The following SHISA6 variants were observed in gnomAD, a reference collection of about 807,000 sequenced individuals.
SHISA6 encodes protein shisa-6.
A neutral mutation model predicts 47.9 loss-of-function variants in SHISA6; 22 were observed. That is an observed-to-expected ratio of 0.46 (90% confidence interval 0.33 to 0.66). The LOEUF (loss-of-function observed/expected upper bound fraction) is 0.66, where lower values mean the gene tolerates loss of function less well. SHISA6 is among the 30% of genes least tolerant of loss of function. The pLI is 0.02. For missense variants in SHISA6, 680 were observed against 764.6 expected (o/e 0.89, Z 1.30); for synonymous variants, 388 against 337.8 (o/e 1.15, Z -1.63).
chr17:11,409,722 AG>A (rs1259697531), intron 3 of SHISA6, among the ~76,000 whole-genome samples: 15 of 147,848 alleles, frequency 1.0e-4, no homozygotes, highest in Non-Finnish European at 1.3e-4. Flanking sequence ...AAAAAAAAAA[AG>A]GAAAAGAAAA....
At chr17:11,538,551 G>A (rs2071806822) in intron 3 of SHISA6, among the ~76,000 whole-genome samples, 1 of 152,202 alleles carries the variant, frequency 6.6e-6, no homozygotes, top group African/African-American at 2.4e-5. Flanking sequence ...CTATAGGGCA[G>A]CCTTGAAAAT....
intron 1 of SHISA6, among the ~76,000 whole-genome samples, chr17:11,252,510 A>C (rs572628383): frequency 1.1e-3 from 163 of 152,244 alleles, no homozygotes; most frequent in Non-Finnish European, 1.5e-3. Flanking sequence ...GGTGGCTGTT[A>C]ATTTGAAGTG....
intron 3 of SHISA6, among the ~76,000 whole-genome samples, chr17:11,470,236 G>A (rs945287648): frequency 4.6e-5 from 7 of 152,200 alleles, no homozygotes; most frequent in Non-Finnish European, 1.5e-5. Flanking sequence ...TCCCAGGTCT[G>A]TCAAGGTTCC....
intron 3 of SHISA6, among the ~76,000 whole-genome samples, chr17:11,467,852 C>A (rs530083111): frequency 6.6e-6 from 1 of 152,268 alleles, no homozygotes; most frequent in South Asian, 2.1e-4. Flanking sequence ...ACCAAGTACC[C>A]ACTTCTCCCT....
At position 11,241,276 on chromosome 17, in the gene SHISA6, GC is replaced by G. The variant is rs1038242316; in HGVS notation, c.-144del. ...ACCGCGCGCCGCCGCCGCCACTGCC[GC>G]CCGCGCCTCGATGGCGCCATCGCCC... On this transcript the variant is annotated 5_prime_UTR_variant, in exon 1 of 6. Coordinates refer to ENST00000441885, the MANE Select transcript of SHISA6 (RefSeq NM_207386.4). This position sits in a 1 kb window ranked among gnomAD's most constrained non-coding sequence, Gnocchi z 5.5. The G allele has an allele frequency of 3.0e-6, 1 of 337,056 alleles. No individual in the cohort carries two copies. Among genetic ancestry groups the G allele is most frequent in the Non-Finnish European group, 4.2e-6 (1 of 239,794 alleles). 20.9% of individuals were successfully genotyped at this position (337,056 alleles called of 1,614,324 possible).
chr17:11,383,707 T>G (rs1429648752), intron 3 of SHISA6, among the ~76,000 whole-genome samples: 1 of 152,170 alleles, frequency 6.6e-6, no homozygotes, highest in Non-Finnish European at 1.5e-5. Flanking sequence ...CCTCTTACTA[T>G]CTCCTTCTAA....
intron 3 of SHISA6, among the ~76,000 whole-genome samples, chr17:11,391,741 G>A (rs1231151996): frequency 6.6e-6 from 1 of 152,120 alleles, no homozygotes; most frequent in Non-Finnish European, 1.5e-5. Flanking sequence ...GTAAATCAGA[G>A]CATTGAAGAT....
intron 3 of SHISA6, among the ~76,000 whole-genome samples, chr17:11,449,447 A>T (rs12937771): frequency 0.16 from 24,039 of 151,362 alleles, 2,396 homozygotes; most frequent in Non-Finnish European, 0.22. Flanking sequence ...CATCTCTATT[A>T]AAAAAAAAGA....
chr17:11,363,525 G>C (rs960586213), intron 2 of SHISA6, among the ~76,000 whole-genome samples: 13 of 152,104 alleles, frequency 8.5e-5, no homozygotes, highest in Non-Finnish European at 1.6e-4. Context: ...GGCGGTCTCT[G>C]GATTATAAAC....
At chr17:11,525,703 T>A (rs2071673360) in intron 3 of SHISA6, among the ~76,000 whole-genome samples, 1 of 147,390 alleles carries the variant, frequency 6.8e-6, no homozygotes, top group Non-Finnish European at 1.5e-5. Flanking sequence ...AATGATAAAT[T>A]TTAAGGGTTG....
chr17:11,355,510 T>G (rs530553602), intron 2 of SHISA6, among the ~76,000 whole-genome samples: 2 of 152,250 alleles, frequency 1.3e-5, no homozygotes, highest in African/African-American at 4.8e-5. Flanking sequence ...TGGGAAGCCA[T>G]TACCACCCCC....
At chr17:11,410,074 T>G (rs1298182308) in intron 3 of SHISA6, among the ~76,000 whole-genome samples, 1 of 152,212 alleles carries the variant, frequency 6.6e-6, no homozygotes, top group Non-Finnish European at 1.5e-5. Flanking sequence ...AGCCACAAGT[T>G]GTGAGTCCAG....
At chr17:11,410,006 C>T (rs1914072083) in intron 3 of SHISA6, among the ~76,000 whole-genome samples, 1 of 152,188 alleles carries the variant, frequency 6.6e-6, no homozygotes, top group African/African-American at 2.4e-5. Flanking sequence ...CATAGGCTCA[C>T]AGAATTATTT....
At chr17:11,294,669 G>A (rs1909680779) in intron 2 of SHISA6, among the ~76,000 whole-genome samples, 1 of 151,974 alleles carries the variant, frequency 6.6e-6, no homozygotes, top group South Asian at 2.1e-4. Context: ...CTATCTGAGG[G>A]GCTATGTACG....
At chr17:11,546,573 G>A (rs2071885332) in intron 3 of SHISA6, among the ~76,000 whole-genome samples, 1 of 152,182 alleles carries the variant, frequency 6.6e-6, no homozygotes, top group African/African-American at 2.4e-5. Context: ...AAGCTGGGAT[G>A]GCAATATAAA....
At chr17:11,314,585 G>A (rs180718318) in intron 2 of SHISA6, among the ~76,000 whole-genome samples, 3 of 148,206 alleles carry the variant, frequency 2.0e-5, no homozygotes, top group South Asian at 2.2e-4. Context: ...CCCCAGGCTC[G>A]AGTACAATGG....
chr17:11,525,657 A>AAAAAAC (rs2071671890), intron 3 of SHISA6, among the ~76,000 whole-genome samples: 2 of 130,944 alleles, frequency 1.5e-5, no homozygotes, highest in African/African-American at 5.5e-5. Flanking sequence ...AAAAACAAAA[A>AAAAAAC]AAAAAAAACG....
intron 2 of SHISA6, among the ~76,000 whole-genome samples, chr17:11,275,849 C>G (rs765476423): frequency 2.6e-5 from 4 of 152,032 alleles, no homozygotes; most frequent in Admixed American, 6.5e-5. Context: ...ATGGGTCACA[C>G]TACATCTTGA....
chr17:11,546,639 G>A (rs182483341), intron 3 of SHISA6, among the ~76,000 whole-genome samples: 1 of 152,302 alleles, frequency 6.6e-6, no homozygotes, highest in East Asian at 1.9e-4. Flanking sequence ...GACAGAAAGG[G>A]GCCAGTCGCA....
Sources: gnomAD v4.1 joint callset for allele counts (sites outside exome capture counted in the v4.1 genomes callset) on GRCh38, gnomAD v4.1.1 for gene constraint, Gnocchi (gnomAD v3.1) non-coding constraint, MANE v1.5 for transcripts, NCBI Gene and HGNC (gene_info 2026-07-23, HGNC 2026-07-21) for gene names.